Variants in GPC6 observed in about 807,000 individuals in gnomAD.
The protein encoded by GPC6 is glypican-6.
Under a neutral mutation model 55.2 loss-of-function variants are expected in GPC6, and 14 were observed. That is an observed-to-expected ratio of 0.25 (90% CI 0.17 to 0.40). GPC6 has a LOEUF of 0.40. Ranked by LOEUF, GPC6 falls within the 10% of genes least tolerant of loss-of-function variation. The probability of loss-of-function intolerance (pLI) is 1.00; values close to 1 mark genes in which losing one functional copy is unlikely to be tolerated. For synonymous variants in GPC6, 278 were observed against 259.6 expected, an observed-to-expected ratio of 1.07 and a Z score of -0.68; for missense variants, 641 against 708.5, an observed-to-expected ratio of 0.90 and a Z score of 1.08.
At chr13:93,658,672 T>C (rs1212696198) in intron 2 of GPC6, among the ~76,000 whole-genome samples, 1 of 151,782 alleles carries the variant, frequency 6.6e-6, no homozygotes, top group Non-Finnish European at 1.5e-5. Flanking sequence ...AGCTCTACCT[T>C]ACAATGTATT....
chr13:93,505,557 A>G (rs557900560), intron 1 of GPC6, among the ~76,000 whole-genome samples: 8 of 152,266 alleles, frequency 5.3e-5, no homozygotes, highest in African/African-American at 1.9e-4. Flanking sequence ...TCTGACATGC[A>G]TATTTTCTTA....
At chr13:94,251,156 G>C (rs1891335917) in intron 4 of GPC6, among the ~76,000 whole-genome samples, 1 of 151,994 alleles carries the variant, frequency 6.6e-6, no homozygotes, top group East Asian at 1.9e-4. Context: ...GTCCTTTGCA[G>C]CAACATGGAT....
chr13:94,109,008 CA>C (rs1886151294), intron 4 of GPC6, among the ~76,000 whole-genome samples: 1 of 152,118 alleles, frequency 6.6e-6, no homozygotes. Flanking sequence ...TTTTATTTTT[CA>C]AATAAGATCA....
At chr13:93,593,981 A>G (rs80080791) in intron 2 of GPC6, among the ~76,000 whole-genome samples, 1,771 of 152,238 alleles carry the variant, frequency 0.012, 34 homozygotes, top group African/African-American at 0.041. Context: ...ATAAATAGGG[A>G]CAGTGGAAAA....
chr13:93,939,953 T>C (rs866183166), intron 3 of GPC6, among the ~76,000 whole-genome samples: 28 of 152,296 alleles, frequency 1.8e-4, no homozygotes, highest in African/African-American at 6.7e-4. Flanking sequence ...ATGTCATAGC[T>C]GTGATTATTC....
chr13:93,545,321 C>T lies in GPC6; in HGVS notation c.219C>T (p.Asp73=). 6.2e-7 allele frequency: 1 copy of T among 1,613,294 alleles called. No homozygotes were observed. The highest frequency in any genetic ancestry group is 8.5e-7 in the Non-Finnish European group (1 of 1,179,318). Residue 73 remains aspartate (D), a synonymous_variant, in exon 2 of 9, where the codon GAC becomes GAT. Coordinates refer to ENST00000377047, the MANE Select transcript of GPC6 (RefSeq NM_005708.5). ...CATGCTGCACCACAGAAATGGAAGA[C>T]AAGTTAAGCCAACAAAGCAAACTCG... ...EYTCCTTEME[D]KLSQQSKLEF...
At chr13:93,241,216 TC>T (rs754855404) in intron 1 of GPC6, among the ~76,000 whole-genome samples, 19 of 152,258 alleles carry the variant, frequency 1.2e-4, no homozygotes, top group Non-Finnish European at 2.2e-4. Context: ...CCTCAAATAT[TC>T]CCTCAAATAG....
Position 93,525,748 on chromosome 13 carries a change from T to A in GPC6, c.161-19515T>A, listed in dbSNP as rs59719385. 1.7e-3 allele frequency among the ~76,000 whole-genome samples: 255 copies of A among 152,208 alleles called. 1 individual carries two copies. Among genetic ancestry groups the A allele is most frequent in the African/African-American group, 5.9e-3 (247 of 41,544 alleles). ...AGAGCACAAGGCTAAGTTTCTCAGATGGTTAATTATTTATAGGTGCCAGAG... is the reference window on the plus strand; with the variant it reads ...AGAGCACAAGGCTAAGTTTCTCAGAAGGTTAATTATTTATAGGTGCCAGAG... On this transcript the variant is annotated intron_variant, in intron 1 of 8. Transcript: ENST00000377047.
rs910212845 is a variant in GPC6 at position 93,306,996 on chromosome 13, G to C, written c.160+79380G>C. On this transcript the variant is annotated intron_variant, in intron 1 of 8. Transcript: ENST00000377047. ...GCAATAAATGAAGCTTAGAAGATCA[G>C]TGGTGCTTAGAATCTGCTGAATAAA... Among the ~76,000 whole-genome samples, 3 of 152,154 alleles carry C rather than the reference G, an allele frequency of 2.0e-5. No individual in the cohort carries two copies. The South Asian group carries it at 6.2e-4, about 31-fold the overall frequency.
At chr13:94,091,608 G>A (rs1055319353) in intron 4 of GPC6, among the ~76,000 whole-genome samples, 15 of 152,124 alleles carry the variant, frequency 9.9e-5, no homozygotes, top group East Asian at 3.9e-4. Flanking sequence ...AGCCCAAGTC[G>A]ACAAGCAATT....
At chr13:93,692,239 T>A (rs998246916) in intron 2 of GPC6, among the ~76,000 whole-genome samples, 3 of 152,118 alleles carry the variant, frequency 2.0e-5, no homozygotes, top group Admixed American at 6.6e-5. Context: ...GAATGAAGCA[T>A]ATTTCTGAAA....
At chr13:93,907,229 T>C (rs1202362151) in intron 3 of GPC6, among the ~76,000 whole-genome samples, 3 of 152,150 alleles carry the variant, frequency 2.0e-5, no homozygotes, top group African/African-American at 7.2e-5. Context: ...TTTTCTTATG[T>C]ATATCCCTTA....
intron 4 of GPC6, among the ~76,000 whole-genome samples, chr13:94,052,665 C>T (rs115628516): frequency 1.6e-4 from 24 of 152,206 alleles, no homozygotes; most frequent in African/African-American, 4.6e-4. Flanking sequence ...GATTTGTACA[C>T]GGTGTTTTTG....
chr13:93,462,690 A>C (rs1406827632), intron 1 of GPC6, among the ~76,000 whole-genome samples: 1 of 152,070 alleles, frequency 6.6e-6, no homozygotes, highest in Non-Finnish European at 1.5e-5. Context: ...CATATAAATG[A>C]AAGAGCAAAA....
At chr13:93,782,764 T>A (rs1397447748) in intron 2 of GPC6, among the ~76,000 whole-genome samples, 1 of 152,150 alleles carries the variant, frequency 6.6e-6, no homozygotes, top group Non-Finnish European at 1.5e-5. Flanking sequence ...AGTTCCATTT[T>A]AAAAATCAAA....
chr13:93,475,474 A>G (rs1050449139), intron 1 of GPC6, among the ~76,000 whole-genome samples: 2 of 152,154 alleles, frequency 1.3e-5, no homozygotes, highest in South Asian at 2.1e-4. Context: ...TCTATTTTCT[A>G]TAGAAAATAA....
At chr13:93,461,416 C>T (rs1947079) in intron 1 of GPC6, among the ~76,000 whole-genome samples, 27,709 of 151,940 alleles carry the variant, frequency 0.18, 3,056 homozygotes, top group East Asian at 0.48. Flanking sequence ...TTAAACTGCA[C>T]TTACAAGTAA....
intron 4 of GPC6, among the ~76,000 whole-genome samples, chr13:94,233,834 T>A (rs1392598287): frequency 6.6e-6 from 1 of 152,180 alleles, no homozygotes; most frequent in Non-Finnish European, 1.5e-5. Context: ...CATATTATAC[T>A]TTCTCATAGT....
At chr13:93,314,874 A>C (rs1020443365) in intron 1 of GPC6, among the ~76,000 whole-genome samples, 3 of 152,120 alleles carry the variant, frequency 2.0e-5, no homozygotes, top group African/African-American at 7.2e-5. Context: ...GGCTAGGCTG[A>C]TAAGTTGTGC....
Sources: allele counts gnomAD v4.1 joint callset (sites outside exome capture counted in the v4.1 genomes callset), GRCh38; gene constraint gnomAD v4.1.1; transcripts MANE v1.5; gene names NCBI Gene and HGNC (gene_info 2026-07-23, HGNC 2026-07-21).